FSTL4: variants seen among roughly 807,000 people sequenced by gnomAD.
The protein encoded by FSTL4 is follistatin-related protein 4.
In FSTL4, 28 loss-of-function variants were observed where a neutral mutation model predicts 78.2. The observed-to-expected ratio is 0.36, with a 90% CI of 0.27 to 0.49. The LOEUF (loss-of-function observed/expected upper bound fraction) is 0.49. Ranked by LOEUF, FSTL4 falls within the 20% of genes least tolerant of loss-of-function variation. FSTL4 has a pLI of 0.98. For synonymous variants in FSTL4, 422 were observed against 440.5 expected, an observed-to-expected ratio of 0.96 and a Z score of 0.53; for missense variants, 922 against 1,084.9, an observed-to-expected ratio of 0.85 and a Z score of 2.11.
At chr5:133,710,972 C>G in the FSTL4 span, among the ~76,000 whole-genome samples, 1 of 152,166 alleles carries the variant, frequency 6.6e-6, no homozygotes, top group Non-Finnish European at 1.5e-5. Flanking sequence ...AGCAACTGAA[C>G]AGGGGAAACC....
intron 4 of FSTL4, among the ~76,000 whole-genome samples, chr5:133,395,190 C>A (rs896516202): frequency 1.3e-5 from 2 of 151,962 alleles, no homozygotes. Context: ...CCCTTCCACC[C>A]CGTGGAAGCT....
At chr5:133,206,165 A>G (rs553677404) in intron 14 of FSTL4, among the ~76,000 whole-genome samples, 161 of 142,578 alleles carry the variant, frequency 1.1e-3, no homozygotes, top group Non-Finnish European at 1.9e-3. Flanking sequence ...AAAATTATCT[A>G]TATTTTGAGG....
chr5:133,652,320 G>C, the FSTL4 span, among the ~76,000 whole-genome samples: 1 of 151,514 alleles, frequency 6.6e-6, no homozygotes, highest in Admixed American at 6.6e-5. Flanking sequence ...TCATTTTCTA[G>C]TTTCCCAAGG....
At chr5:133,481,243 A>G (rs1758020913) in intron 3 of FSTL4, among the ~76,000 whole-genome samples, 1 of 152,214 alleles carries the variant, frequency 6.6e-6, no homozygotes. Flanking sequence ...TGATCATTCA[A>G]GAGCTATCAA....
chr5:133,764,657 C>G, the FSTL4 span, among the ~76,000 whole-genome samples: 1 of 152,210 alleles, frequency 6.6e-6, no homozygotes, highest in African/African-American at 2.4e-5. Flanking sequence ...TCTGAGAACA[C>G]CAGGTTAGAA....
the FSTL4 span, among the ~76,000 whole-genome samples, chr5:133,620,058 C>T: frequency 5.9e-5 from 9 of 151,904 alleles, no homozygotes; most frequent in African/African-American, 1.5e-4. Context: ...CATTGTCTGA[C>T]GCATATGCTA....
intron 3 of FSTL4, among the ~76,000 whole-genome samples, chr5:133,545,023 T>A (rs1246603633): frequency 6.6e-6 from 1 of 152,146 alleles, no homozygotes; most frequent in Non-Finnish European, 1.5e-5. Context: ...ATCCTTGGAG[T>A]AATAGGAGTA....
At chr5:133,823,549 C>A in the FSTL4 span, among the ~76,000 whole-genome samples, 720 of 152,274 alleles carry the variant, frequency 4.7e-3, 7 homozygotes, top group African/African-American at 0.017. Flanking sequence ...GACTCAAACA[C>A]CCAGCAGGTC....
chr5:133,744,820 C>T, the FSTL4 span, among the ~76,000 whole-genome samples: 116 of 152,328 alleles, frequency 7.6e-4, no homozygotes, highest in African/African-American at 2.7e-3. Context: ...AAAGATTCCA[C>T]TTGGGTTTCC....
At chr5:133,456,789 A>G (rs147909985) in intron 3 of FSTL4, among the ~76,000 whole-genome samples, 2,106 of 152,310 alleles carry the variant, frequency 0.014, 43 homozygotes, top group African/African-American at 0.049. Context: ...TTGCCCCAGC[A>G]TAGGAACGAG....
intron 4 of FSTL4, among the ~76,000 whole-genome samples, chr5:133,343,919 G>C (rs971908969): frequency 6.6e-6 from 1 of 152,174 alleles, no homozygotes; most frequent in Non-Finnish European, 1.5e-5. Flanking sequence ...GATCAACGCT[G>C]AACTGCTTTA....
chr5:133,729,944 T>C, the FSTL4 span, among the ~76,000 whole-genome samples: 1 of 152,146 alleles, frequency 6.6e-6, no homozygotes, highest in African/African-American at 2.4e-5. Flanking sequence ...CTCTTGACTC[T>C]CATTCTGGAC....
chr5:133,796,999 T>C, the FSTL4 span, among the ~76,000 whole-genome samples: 1 of 152,164 alleles, frequency 6.6e-6, no homozygotes, highest in East Asian at 1.9e-4. Flanking sequence ...CCAGGAATCC[T>C]CAGTCCCCTT....
rs140627923 is a variant in FSTL4, at chr5:133,345,145, G to T, written c.410-28493C>A. ...CTTTTTAAATCAGAAAGATATACAAGAAATCTCATTTCTTGTATACTGAAA... is the reference window on the plus strand; with the variant it reads ...CTTTTTAAATCAGAAAGATATACAATAAATCTCATTTCTTGTATACTGAAA... On this transcript the variant is annotated intron_variant, in intron 4 of 15. Transcript: ENST00000265342. Among the ~76,000 whole-genome samples, 49 of 152,152 alleles carry T rather than the reference G, an allele frequency of 3.2e-4. No individual in the cohort carries two copies. In the East Asian group the frequency reaches 4.1e-3, roughly 13 times the overall value.
chr5:133,719,438 G>A, the FSTL4 span, among the ~76,000 whole-genome samples: 3 of 152,076 alleles, frequency 2.0e-5, no homozygotes, highest in Non-Finnish European at 4.4e-5. Context: ...GGGAGGCCAA[G>A]GCAGGTGGAT....
intron 3 of FSTL4, among the ~76,000 whole-genome samples, chr5:133,415,682 G>C (rs1413375208): frequency 6.6e-6 from 1 of 152,184 alleles, no homozygotes; most frequent in Non-Finnish European, 1.5e-5. Context: ...TAGCAGCTGA[G>C]GCAGGTGGTG....
the FSTL4 span, among the ~76,000 whole-genome samples, chr5:133,773,126 A>G: frequency 6.6e-6 from 1 of 152,162 alleles, no homozygotes; most frequent in Non-Finnish European, 1.5e-5. Context: ...CACAAACTTT[A>G]ACAATATTGA....
intron 6 of FSTL4, among the ~76,000 whole-genome samples, chr5:133,289,858 C>G (rs1425922033): frequency 6.6e-6 from 1 of 152,248 alleles, no homozygotes; most frequent in Non-Finnish European, 1.5e-5. Flanking sequence ...TATTTCAACT[C>G]TCTTTGGCTG....
At chr5:133,661,782 T>C in the FSTL4 span, among the ~76,000 whole-genome samples, 1 of 152,236 alleles carries the variant, frequency 6.6e-6, no homozygotes. Flanking sequence ...AAGATAACTC[T>C]GTAATTAAGT....
Sources: allele counts gnomAD v4.1 joint callset (sites outside exome capture counted in the v4.1 genomes callset), GRCh38; gene constraint gnomAD v4.1.1; transcripts MANE v1.5; gene names NCBI Gene and HGNC (gene_info 2026-07-23, HGNC 2026-07-21).